The following C3orf49 variants were observed in gnomAD, a reference collection of about 807,000 sequenced individuals.
The protein encoded by C3orf49 is chromosome 3 open reading frame 49, also known as putative uncharacterized protein C3orf49.
In C3orf49, 27 loss-of-function variants were observed where a neutral mutation model predicts 13.3. That is an observed-to-expected ratio of 2.02 (90% CI 1.49 to 2.79). C3orf49 has a LOEUF of 2.79. Among genes scored for constraint, C3orf49 ranks in the 30% most tolerant of loss-of-function variants. The probability of loss-of-function intolerance (pLI) is 0.00; values close to 1 mark genes in which losing one functional copy is unlikely to be tolerated. For synonymous variants in C3orf49, 87 were observed against 47.6 expected (o/e 1.83, Z -3.40); for missense variants, 242 against 134.2 (o/e 1.80, Z -3.97).
the C3orf49 span, among the ~76,000 whole-genome samples, chr3:63,793,064 C>T: frequency 1.1e-4 from 16 of 152,274 alleles, no homozygotes; most frequent in South Asian, 4.1e-4. Flanking sequence ...TCCTTTCACA[C>T]GCTCTCCTTC....
intron 1 of C3orf49, among the ~76,000 whole-genome samples, chr3:63,820,360 A>G (rs540441068): frequency 6.6e-6 from 1 of 152,348 alleles, no homozygotes; most frequent in East Asian, 1.9e-4. Context: ...AACCAAATAA[A>G]TTCAGTACCA....
rs1701613513 is a variant in C3orf49, at chr3:63,835,508, G to T, written c.849+3664G>T. The T allele has an allele frequency of 1.2e-5, 9 of 769,446 alleles. No homozygotes were observed. The South Asian group carries it at 1.8e-4, about 16-fold the overall frequency. 47.7% of individuals were successfully genotyped at this position (769,446 alleles called of 1,614,324 possible). A position where few individuals can be genotyped will look rare whatever the true frequency, so the allele number is the denominator to read the frequency against. On this transcript the variant is annotated intron_variant, in intron 5 of 6. Transcript: ENST00000295896. Reference sequence around the variant, plus strand: ...AAAATAAAAAAAGGGCTTATAAGGAGTTATAACACTCCATTATGGTGAAAC... The same window carrying T: ...AAAATAAAAAAAGGGCTTATAAGGATTTATAACACTCCATTATGGTGAAAC...
rs190412335 is a variant in C3orf49 at position 63,829,049 on chromosome 3, T to C, written c.570+1324T>C. On this transcript the variant is annotated intron_variant, in intron 3 of 6. Coordinates refer to ENST00000295896, the MANE Select transcript of C3orf49 (RefSeq NM_001355236.2). ...TCGCACCTAGTTAGTGGCTGTCCTA[T>C]ACAGCACAGATAGAGAACATTTCCA... Among the ~76,000 whole-genome samples, 10 of 152,344 alleles carry C rather than the reference T, an allele frequency of 6.6e-5. No homozygotes were observed. The East Asian group carries it at 1.9e-3, about 29-fold the overall frequency.
chr3:63,844,983 T>C (rs1185236336), intron 5 of C3orf49, 40 bp from the exon 6 acceptor site: 11 of 677,170 alleles, frequency 1.6e-5, no homozygotes, highest in Admixed American at 2.2e-5. Flanking sequence ...ATAAAGACAA[T>C]TGAGATCTTT....
At chr3:63,844,750 G>A (rs1701849976) in intron 5 of C3orf49, among the ~76,000 whole-genome samples, 1 of 152,294 alleles carries the variant, frequency 6.6e-6, no homozygotes, top group Middle Eastern at 3.4e-3. Flanking sequence ...TTATGACACA[G>A]CAAGAAGACC....
the C3orf49 span, among the ~76,000 whole-genome samples, chr3:63,788,115 T>A: frequency 6.6e-6 from 1 of 152,178 alleles, no homozygotes; most frequent in African/African-American, 2.4e-5. Flanking sequence ...GTTCTTAGCA[T>A]CATTGATAAT....
intron 5 of C3orf49, 111 bp downstream of exon 5, chr3:63,831,955 G>A (rs1195217626): frequency 3.4e-6 from 2 of 590,982 alleles, no homozygotes; most frequent in East Asian, 5.8e-5. Context: ...AGCACTTTGG[G>A]AGGCCGAGCG....
At chr3:63,813,672 G>GAGA in the C3orf49 span, among the ~76,000 whole-genome samples, 1 of 152,188 alleles carries the variant, frequency 6.6e-6, no homozygotes, top group African/African-American at 2.4e-5. Flanking sequence ...GTCTTCCCAG[G>GAGA]AGAAACACTG....
the C3orf49 span, among the ~76,000 whole-genome samples, chr3:63,785,065 C>CTTTTTTTT: frequency 5.2e-4 from 34 of 64,966 alleles, 1 homozygote; most frequent in African/African-American, 7.5e-4. Context: ...TCTTCTTCTT[C>CTTTTTTTT]TTTTTTTTTT....
At chr3:63,795,053 T>C in the C3orf49 span, among the ~76,000 whole-genome samples, 1 of 152,194 alleles carries the variant, frequency 6.6e-6, no homozygotes, top group Non-Finnish European at 1.5e-5. Context: ...GAATTGTTGC[T>C]GTTCACAACC....
At chr3:63,838,376 T>G in intron 5 of C3orf49, 1 of 1,505,668 alleles carries the variant, frequency 6.6e-7, no homozygotes, top group Non-Finnish European at 9.2e-7. Flanking sequence ...CTTTACCTAT[T>G]TCCTTGTAAA....
At chr3:63,845,692 C>T (rs1701876987) in intron 6 of C3orf49, among the ~76,000 whole-genome samples, 1 of 152,106 alleles carries the variant, frequency 6.6e-6, no homozygotes, top group African/African-American at 2.4e-5. Context: ...ATGTCATTAG[C>T]TAAGTTGGTC....
the C3orf49 span, among the ~76,000 whole-genome samples, chr3:63,804,871 G>T: frequency 1.3e-5 from 2 of 152,246 alleles, no homozygotes; most frequent in East Asian, 1.9e-4. Flanking sequence ...GAAATAAATG[G>T]ATCTTGATGT....
chr3:63,797,499 C>G, the C3orf49 span, among the ~76,000 whole-genome samples: 6 of 152,080 alleles, frequency 3.9e-5, no homozygotes, highest in African/African-American at 1.4e-4. Flanking sequence ...GTAAAACTTA[C>G]AAAAGTGTAG....
chr3:63,795,192 T>A, the C3orf49 span, among the ~76,000 whole-genome samples: 2 of 152,104 alleles, frequency 1.3e-5, no homozygotes, highest in Non-Finnish European at 2.9e-5. Context: ...CTTTTTAACT[T>A]CACTTCAGCC....
chr3:63,801,363 G>GA, the C3orf49 span, among the ~76,000 whole-genome samples: 2 of 151,240 alleles, frequency 1.3e-5, no homozygotes, highest in Non-Finnish European at 2.9e-5. Flanking sequence ...CATACACGGT[G>GA]AAAAAATAAA....
chr3:63,842,472 A>C (rs1701786641), intron 5 of C3orf49, among the ~76,000 whole-genome samples: 1 of 152,214 alleles, frequency 6.6e-6, no homozygotes, highest in African/African-American at 2.4e-5. Flanking sequence ...TCAATGAGTG[A>C]ATAAAGAAAA....
chr3:63,833,490 AAACAG>A (rs2107111107), intron 5 of C3orf49: 1 of 152,350 alleles, frequency 6.6e-6, no homozygotes, highest in Non-Finnish European at 1.5e-5. Flanking sequence ...CTAAAGAACA[AAACAG>A]TAGAGAAAAC....
the C3orf49 span, among the ~76,000 whole-genome samples, chr3:63,796,342 C>T: frequency 2.0e-5 from 3 of 152,048 alleles, no homozygotes; most frequent in Admixed American, 2.0e-4. Context: ...ATTCATTCCC[C>T]TACCAAAAAT....
Sources: allele counts gnomAD v4.1 joint callset (sites outside exome capture counted in the v4.1 genomes callset), GRCh38; gene constraint gnomAD v4.1.1; transcripts MANE v1.5; gene names NCBI Gene and HGNC (gene_info 2026-07-23, HGNC 2026-07-21).